Variants in SCYL1 observed in about 807,000 individuals in gnomAD.
SCYL1 encodes the protein N-terminal kinase-like protein.
Under a neutral mutation model 94.8 loss-of-function variants are expected in SCYL1, and 85 were observed. That is an observed-to-expected ratio of 0.90 (90% CI 0.75 to 1.07). The LOEUF (loss-of-function observed/expected upper bound fraction) is 1.07. SCYL1 is among the 50% of genes least tolerant of loss of function. SCYL1 has a pLI of 0.00. For synonymous variants in SCYL1, 459 were observed against 435.5 expected, an observed-to-expected ratio of 1.05 and a Z score of -0.67; for missense variants, 968 against 1,083.3, an observed-to-expected ratio of 0.89 and a Z score of 1.49.
chr11:65,537,189 CA>C, intron 14 of SCYL1, 61 bp downstream of exon 14: 1 of 1,589,762 alleles, frequency 6.3e-7, no homozygotes, highest in East Asian at 2.2e-5. Context: ...GGCTGCCATT[CA>C]GGGAGCTTCT....
chr11:65,536,047 C>T lies in SCYL1; in HGVS notation c.1481C>T (p.Thr494Ile). 1.2e-6 allele frequency: 2 copies of T among 1,614,222 alleles called. No homozygotes were observed. The change falls in exon 11 of 18, where the codon ACC becomes ATC. Residue 494 changes from threonine to isoleucine, a missense_variant. This residue lies in a region of SCYL1 where 474 missense variants were observed against 463.6 expected (regional missense o/e 1.02). Transcript: ENST00000270176. ...RVAGVLGFAA[T>I]HNLYSMNDCA... ...GCGGGTGTCCTGGGCTTTGCTGCCA[C>T]CCACAACCTCTACTCAATGAACGAC...
intron 1 of SCYL1, 86 bp from the exon 2 acceptor site, chr11:65,525,488 C>A: frequency 6.6e-7 from 1 of 1,525,206 alleles, no homozygotes; most frequent in Non-Finnish European, 8.8e-7. Flanking sequence ...CTAAGGCTGA[C>A]CTGGGGAGAG....
Position 65,526,028 on chromosome 11 carries a change from G to T in SCYL1, c.360G>T (p.Gly120=), listed in dbSNP as rs753818380. The change falls in exon 3 of 18, where the codon GGG becomes GGT. Residue 120 remains glycine, a synonymous_variant. Transcript: ENST00000270176. The surrounding 1 kb of genome is among the most constrained non-coding windows in gnomAD (Gnocchi z 4.1). ...GGLKELEISW[G]LHQIVKALSF... is the part of the protein sequence containing the mutation. ...TGAAGGAGCTGGAGATCTCCTGGGG[G>T]CTACACCAGATCGTGGTGAGGTGGG... The T allele has an allele frequency of 1.2e-6, 2 of 1,613,078 alleles. No homozygotes were observed. The highest frequency in any genetic ancestry group is 1.7e-6 in the Non-Finnish European group (2 of 1,179,872).
intron 9 of SCYL1, among the ~76,000 whole-genome samples, chr11:65,534,494 G>A (rs189217208): frequency 1.1e-4 from 17 of 152,306 alleles, no homozygotes; most frequent in Admixed American, 1.3e-4. Flanking sequence ...GCTATTTACT[G>A]AGATGACACA....
At chr11:65,534,982 T>C (rs1422530545) in intron 9 of SCYL1, 9 of 530,024 alleles carry the variant, frequency 1.7e-5, no homozygotes, top group Non-Finnish European at 2.4e-5. Flanking sequence ...TGGAGTGCCA[T>C]CAGGAGAGCA....
Position 65,532,726 on chromosome 11 carries a change from C to T in SCYL1, c.1151C>T (p.Thr384Ile). ...TTCATCCAGTACCTTGACGAGCCAA[C>T]AGTCAACACCCAGATCTTCCCCCAC... ...EQFIQYLDEP[T>I]VNTQIFPHVV... The change falls in exon 9 of 18, where the codon ACA (threonine) becomes ATA (isoleucine). Residue 384 changes from threonine to isoleucine, a missense_variant. By Grantham distance (89) the Thr-to-Ile change is moderately conservative. Coordinates refer to ENST00000270176, the MANE Select transcript of SCYL1 (RefSeq NM_020680.4). The T allele has an allele frequency of 6.2e-7, 1 of 1,614,148 alleles. No homozygotes were observed.
Position 65,525,902 on chromosome 11 carries a change from C to T in SCYL1, c.253-19C>T. 6.2e-7 allele frequency: 1 copy of T among 1,611,244 alleles called. No individual in the cohort carries two copies. Among genetic ancestry groups the T allele is most frequent in the Non-Finnish European group, 8.5e-7 (1 of 1,178,642 alleles). On this transcript the variant is annotated intron_variant, in intron 2 of 17. Transcript: ENST00000270176. ...TCTCTGCCCCTCCGCCCTTGATAAC[C>T]CTGTGTCCCCTTCCCCAGACAGAAA...
At chr11:65,537,936 A>AG (rs771390748) in intron 15 of SCYL1, 31 bp from the exon 16 acceptor site, 9 of 1,592,984 alleles carry the variant, frequency 5.6e-6, no homozygotes, top group Non-Finnish European at 7.7e-6. Flanking sequence ...CCTTGGGCCC[A>AG]GGGCTACTTC....
In SCYL1 at chr11:65,533,637, G is replaced by A. The variant is rs571704497; in HGVS notation, c.1230+832G>A. Among the ~76,000 whole-genome samples, 62 of 151,688 alleles carry A rather than the reference G, an allele frequency of 4.1e-4. 1 individual carries two copies. Among genetic ancestry groups the A allele is most frequent in the Non-Finnish European group, 4.4e-4 (30 of 67,940 alleles). ...CTACAAAAAAATACAAAAGTTAGGC[G>A]CGTATGGTGATGCACGCCTATAGTC... On this transcript the variant is annotated intron_variant, in intron 9 of 17. Transcript: ENST00000270176.
intron 6 of SCYL1, 108 bp from the exon 7 acceptor site, chr11:65,530,521 A>T: frequency 7.7e-7 from 1 of 1,299,604 alleles, no homozygotes; most frequent in Non-Finnish European, 1.0e-6. Flanking sequence ...GCCAGGCTCC[A>T]GAGCCCATAA....
In SCYL1 at chr11:65,538,539, G is replaced by C; in HGVS notation, c.2400G>C (p.Met800Ile). The C allele has an allele frequency of 6.2e-7, 1 of 1,611,672 alleles. No individual in the cohort carries two copies. The highest frequency in any genetic ancestry group is 8.5e-7 in the Non-Finnish European group (1 of 1,179,546). Reference protein sequence around the residue: ...RAERKVAKGPMKLGARKLD With the variant: ...RAERKVAKGPIKLGARKLD ...AGAGGAAGGTGGCCAAGGGCCCCAT[G>C]AAGCTGGGAGCCCGGAAGCTGGACT... Residue 800 changes from methionine to isoleucine, a missense_variant, in exon 18 of 18, where the codon ATG becomes ATC. Physicochemically the swap from Met to Ile is conservative, Grantham distance 10. Coordinates refer to ENST00000270176, the MANE Select transcript of SCYL1 (RefSeq NM_020680.4).
intron 10 of SCYL1, 120 bp from the exon 11 acceptor site, chr11:65,535,833 T>C (rs1042904583): frequency 1.0e-6 from 1 of 971,400 alleles, no homozygotes; most frequent in Non-Finnish European, 1.5e-6. Context: ...AAGTGATTCA[T>C]TCATATTTTT....
intron 9 of SCYL1, among the ~76,000 whole-genome samples, chr11:65,534,539 G>C (rs749007542): frequency 5.9e-5 from 9 of 152,182 alleles, no homozygotes; most frequent in Non-Finnish European, 8.8e-5. Context: ...GTTTCTGTTA[G>C]GCAGCTGGAT....
chr11:65,532,890 G>A, intron 9 of SCYL1, 85 bp downstream of exon 9: 1 of 1,019,296 alleles, frequency 9.8e-7, no homozygotes, highest in South Asian at 1.3e-5. Context: ...CCTTGGCTTT[G>A]GCCCATGGGT....
At position 65,526,122 on chromosome 11, in the gene SCYL1, A is replaced by G; in HGVS notation, c.376-2A>G. On this transcript the variant is annotated splice_acceptor_variant, in intron 3 of 17. Transcript: ENST00000270176. LOFTEE classifies it high-confidence loss of function. The surrounding 1 kb of genome is among the most constrained non-coding windows in gnomAD (Gnocchi z 4.1). ...GGGCGTGATGGCTCCTTTTGCCCCCAGAAAGCCCTCAGCTTCCTGGTCAAC... is the reference window on the plus strand; with the variant it reads ...GGGCGTGATGGCTCCTTTTGCCCCCGGAAAGCCCTCAGCTTCCTGGTCAAC... 1.2e-6 allele frequency: 2 copies of G among 1,612,974 alleles called. No individual in the cohort carries two copies. The highest frequency in any genetic ancestry group is 1.7e-6 in the Non-Finnish European group (2 of 1,179,838).
In SCYL1 at chr11:65,538,633, T is replaced by C. The variant is rs1855862210; in HGVS notation, c.*67T>C. 8 of 1,533,178 alleles carry C rather than the reference T, an allele frequency of 5.2e-6. No homozygotes were observed. The highest frequency in any genetic ancestry group is 4.9e-5 in the South Asian group (4 of 82,008). 95.0% of individuals were successfully genotyped at this position (1,533,178 alleles called of 1,614,324 possible). A position where few individuals can be genotyped will look rare whatever the true frequency, so the allele number is the denominator to read the frequency against. ...ACAGATGTATTTATTGTACAAACCA[T>C]GTGAGCCCGGCCGGCCCAGCCAGGC... On this transcript the variant is annotated 3_prime_UTR_variant, in exon 18 of 18. Transcript: ENST00000270176.
intron 9 of SCYL1, among the ~76,000 whole-genome samples, chr11:65,534,309 G>A (rs1855539880): frequency 6.6e-6 from 1 of 152,204 alleles, no homozygotes; most frequent in South Asian, 2.1e-4. Flanking sequence ...CCACTCAGGA[G>A]GCTGAGGCAG....
intron 6 of SCYL1, among the ~76,000 whole-genome samples, chr11:65,530,230 C>G (rs1855297463): frequency 6.6e-6 from 1 of 152,158 alleles, no homozygotes. Flanking sequence ...CCTCTGTGCT[C>G]ACATCCTGGG....
intron 14 of SCYL1, 68 bp from the exon 15 acceptor site, chr11:65,537,741 G>T: frequency 7.3e-7 from 1 of 1,366,382 alleles, no homozygotes; most frequent in Non-Finnish European, 9.9e-7. Context: ...TGGCTGGGAT[G>T]ATGCTGGGGC....
Sources: allele counts gnomAD v4.1 joint callset (sites outside exome capture counted in the v4.1 genomes callset), GRCh38; gene constraint gnomAD v4.1.1; regional missense constraint gnomAD v4.1.1; non-coding constraint Gnocchi (gnomAD v3.1); transcripts MANE v1.5; gene names NCBI Gene and HGNC (gene_info 2026-07-23, HGNC 2026-07-21).